The following DMD variants were observed in gnomAD, a reference collection of about 807,000 sequenced individuals.
The protein encoded by DMD is dystrophin, also known as mutant dystrophin.
In DMD, 63 loss-of-function variants were observed where a neutral mutation model predicts 330.1. That is an observed-to-expected ratio of 0.19 (90% CI 0.16 to 0.24). DMD has a LOEUF of 0.24. Ranked by LOEUF, DMD falls within the 10% of genes least tolerant of loss-of-function variation. The probability of loss-of-function intolerance (pLI) is 1.00; values close to 1 mark genes in which losing one functional copy is unlikely to be tolerated. For synonymous variants in DMD, 1,223 were observed against 959.8 expected (o/e 1.27, Z -5.07); for missense variants, 3,344 against 2,684.1 (o/e 1.25, Z -5.43).
chrX:32,269,344 G>C (rs1002196661), intron 43 of DMD, among the ~76,000 whole-genome samples: 53 of 111,637 alleles, frequency 4.7e-4, no homozygotes, highest in African/African-American at 1.7e-3. Context: ...ATAAATCAAA[G>C]TTCAAACAGG....
chrX:31,463,806 C>T (rs2066683596), intron 59 of DMD, among the ~76,000 whole-genome samples: 1 of 110,924 alleles, frequency 9.0e-6, no homozygotes, highest in Admixed American at 9.7e-5. Flanking sequence ...ATAATATTCC[C>T]AGGAAAACTA....
chrX:32,276,431 C>T (rs2097387813), intron 43 of DMD, among the ~76,000 whole-genome samples: 1 of 112,311 alleles, frequency 8.9e-6, no homozygotes. Flanking sequence ...ATTCCTCCCC[C>T]ACCTCAAGCA....
intron 44 of DMD, among the ~76,000 whole-genome samples, chrX:32,187,913 T>C (rs1224782117): frequency 9.0e-6 from 1 of 111,340 alleles, no homozygotes; most frequent in Non-Finnish European, 1.9e-5. Context: ...AAATGTTCTA[T>C]AGGATTTGTA....
At chrX:32,571,081 C>G (rs1261472224) in intron 15 of DMD, among the ~76,000 whole-genome samples, 1 of 111,514 alleles carries the variant, frequency 9.0e-6, no homozygotes, top group Non-Finnish European at 1.9e-5. Context: ...TCTGGGCAGG[C>G]TTGTGACTTT....
At chrX:31,362,866 C>T (rs756056193) in intron 60 of DMD, among the ~76,000 whole-genome samples, 22 of 112,515 alleles carry the variant, frequency 2.0e-4, no homozygotes, top group Admixed American at 4.7e-4. Context: ...AGGAGAATGG[C>T]GTGAACCCCG....
intron 2 of DMD, among the ~76,000 whole-genome samples, chrX:32,914,382 C>T (rs2087590579): frequency 8.9e-6 from 1 of 112,167 alleles, no homozygotes; most frequent in African/African-American, 3.2e-5. Flanking sequence ...TACTAAGCGA[C>T]TCATAGAAAA....
chrX:31,430,745 C>G (rs1222665134), intron 60 of DMD, among the ~76,000 whole-genome samples: 2 of 107,308 alleles, frequency 1.9e-5, no homozygotes, highest in African/African-American at 6.8e-5. Flanking sequence ...AATGCCAGAC[C>G]TAAGAATTGG....
chrX:32,184,854 T>C (rs992343566), intron 44 of DMD, among the ~76,000 whole-genome samples: 28 of 99,656 alleles, frequency 2.8e-4, no homozygotes, highest in African/African-American at 3.7e-4. Context: ...TTTTTTTTTT[T>C]CAGGCAATTC....
intron 60 of DMD, among the ~76,000 whole-genome samples, chrX:31,360,549 G>A (rs927895397): frequency 4.4e-5 from 5 of 112,525 alleles, no homozygotes; most frequent in Non-Finnish European, 9.4e-5. Flanking sequence ...TGGAGAAAGC[G>A]AAGAGAGGAT....
chrX:31,982,752 A>G (rs1374320955), intron 44 of DMD, among the ~76,000 whole-genome samples: 1 of 108,659 alleles, frequency 9.2e-6, no homozygotes, highest in Non-Finnish European at 1.9e-5. Context: ...TTATTTAAAT[A>G]TGATATTTTA....
chrX:31,259,511 A>C (rs999375801), intron 63 of DMD, among the ~76,000 whole-genome samples: 1 of 112,045 alleles, frequency 8.9e-6, no homozygotes, highest in Non-Finnish European at 1.9e-5. Flanking sequence ...GAAATGTAGC[A>C]CTTGAAAATT....
At chrX:32,668,450 A>C (rs1233574466) in intron 9 of DMD, among the ~76,000 whole-genome samples, 1 of 111,906 alleles carries the variant, frequency 8.9e-6, no homozygotes, top group Admixed American at 9.5e-5. Flanking sequence ...AGTCATGAGA[A>C]ATCATGTTTT....
chrX:32,887,770 A>AAAAAAAAAAAAAAAAAAAAAAAAAAAAAC (rs1383701636), intron 2 of DMD, among the ~76,000 whole-genome samples: 8 of 70,359 alleles, frequency 1.1e-4, no homozygotes, highest in Admixed American at 1.4e-4. Context: ...AAAAAAAAAA[A>AAAAAAAAAAAAAAAAAAAAAAAAAAAAAC]AAAAAACATC....
intron 1 of DMD, among the ~76,000 whole-genome samples, chrX:33,250,075 A>G (rs2052744401): frequency 1.2e-5 from 1 of 83,687 alleles, no homozygotes; most frequent in Admixed American, 1.4e-4. Flanking sequence ...ACATAGTAGT[A>G]AACTATTCAT....
intron 2 of DMD, among the ~76,000 whole-genome samples, chrX:33,014,295 A>T (rs986069938): frequency 9.0e-6 from 1 of 111,686 alleles, no homozygotes; most frequent in African/African-American, 3.3e-5. Flanking sequence ...TCATCAGCAA[A>T]ACCTTCCGTG....
intron 2 of DMD, among the ~76,000 whole-genome samples, chrX:33,009,779 C>T (rs1310271918): frequency 3.5e-5 from 1 of 28,205 alleles, no homozygotes; most frequent in Non-Finnish European, 7.1e-5. Context: ...TATATACACA[C>T]ATATGTGTAT....
chrX:31,553,664 A>G (rs1316266877), intron 55 of DMD, among the ~76,000 whole-genome samples: 2 of 112,458 alleles, frequency 1.8e-5, no homozygotes, highest in Non-Finnish European at 3.8e-5. Context: ...CGCCCATGAG[A>G]GTATCATGTA....
intron 1 of DMD, among the ~76,000 whole-genome samples, chrX:33,257,182 G>A (rs1022126931): frequency 1.8e-5 from 2 of 110,561 alleles, no homozygotes; most frequent in African/African-American, 3.3e-5. Flanking sequence ...TACCACTTTC[G>A]TTCCTTTTAA....
At chrX:33,286,805 A>G in intron 1 of DMD, among the ~76,000 whole-genome samples, 1 of 112,402 alleles carries the variant, frequency 8.9e-6, no homozygotes, top group Admixed American at 9.4e-5. Context: ...CTCTTCTTGC[A>G]TGCAGGTGTG....
Sources: gnomAD v4.1 joint callset for allele counts (sites outside exome capture counted in the v4.1 genomes callset) on GRCh38, gnomAD v4.1.1 for gene constraint, MANE v1.5 for transcripts, NCBI Gene and HGNC (gene_info 2026-07-23, HGNC 2026-07-21) for gene names.